Variants in MIR2052HG observed in about 807,000 individuals in gnomAD.
MIR2052HG encodes the protein MIR2052 host gene.
At chr8:74,649,530 CAT>C (rs199851979) in intron 2 of MIR2052HG, among the ~76,000 whole-genome samples, 5 of 151,516 alleles carry the variant, frequency 3.3e-5, no homozygotes, top group East Asian at 1.9e-4. Flanking sequence ...TATATACCTA[CAT>C]ATATATATAT....
intron 1 of MIR2052HG, chr8:74,604,235 T>C (rs879065967): frequency 1.6e-5 from 14 of 887,478 alleles, no homozygotes; most frequent in South Asian, 5.2e-5. Flanking sequence ...TCAATCACAC[T>C]GGTTTCCATG....
chr8:74,716,893 T>A (rs960110136), intron 4 of MIR2052HG, among the ~76,000 whole-genome samples: 11 of 152,304 alleles, frequency 7.2e-5, no homozygotes, highest in Middle Eastern at 3.4e-3. Context: ...ACTGCTTTTT[T>A]TATATATATA....
At chr8:74,756,783 T>C (rs1032995178) in intron 5 of MIR2052HG, 2 of 152,162 alleles carry the variant, frequency 1.3e-5, no homozygotes, top group African/African-American at 4.8e-5. Context: ...GTTTGTAAGA[T>C]GTGAAAGAAA....
intron 1 of MIR2052HG, chr8:74,603,855 C>G: frequency 1.1e-6 from 1 of 912,652 alleles, no homozygotes; most frequent in South Asian, 1.3e-5. Context: ...CCATCTAGAC[C>G]TGAGCCCCTG....
At chr8:74,684,145 A>G (rs1809154991) in intron 2 of MIR2052HG, among the ~76,000 whole-genome samples, 1 of 152,110 alleles carries the variant, frequency 6.6e-6, no homozygotes, top group African/African-American at 2.4e-5. Context: ...CCATGAATAC[A>G]TTAGTTAAGC....
chr8:74,756,315 C>T (rs753470096), intron 5 of MIR2052HG, among the ~76,000 whole-genome samples: 1 of 152,192 alleles, frequency 6.6e-6, no homozygotes, highest in Non-Finnish European at 1.5e-5. Context: ...GTTAGTCTTT[C>T]AAGGTGACTG....
At chr8:74,627,518 T>C (rs1294838058) in intron 2 of MIR2052HG, among the ~76,000 whole-genome samples, 1 of 152,228 alleles carries the variant, frequency 6.6e-6, no homozygotes, top group Non-Finnish European at 1.5e-5. Context: ...AGGCAACACT[T>C]TCCTATTTTT....
intron 2 of MIR2052HG, among the ~76,000 whole-genome samples, chr8:74,619,275 A>C (rs115573160): frequency 0.08 from 12,123 of 152,226 alleles, 790 homozygotes; most frequent in African/African-American, 0.18. Flanking sequence ...AAAATTCTAA[A>C]ATTTGTATGG....
At chr8:74,711,685 C>T (rs770147430) in intron 4 of MIR2052HG, among the ~76,000 whole-genome samples, 21 of 152,192 alleles carry the variant, frequency 1.4e-4, no homozygotes, top group Non-Finnish European at 2.6e-4. Flanking sequence ...TTATTCCAAA[C>T]CATGTTAATT....
intron 1 of MIR2052HG, among the ~76,000 whole-genome samples, chr8:74,609,319 A>G (rs1438646805): frequency 6.6e-6 from 1 of 151,996 alleles, no homozygotes. Context: ...TTTTTTACAC[A>G]GGAAACTTTA....
At chr8:74,603,518 G>C in intron 1 of MIR2052HG, 1 of 1,547,778 alleles carries the variant, frequency 6.5e-7, no homozygotes, top group Non-Finnish European at 8.9e-7. Context: ...GTAAGTTCAT[G>C]AGAAGTAGTC....
intron 4 of MIR2052HG, among the ~76,000 whole-genome samples, chr8:74,745,508 C>T (rs1156681944): frequency 6.6e-6 from 1 of 152,014 alleles, no homozygotes; most frequent in African/African-American, 2.4e-5. Context: ...TCGATAGTAG[C>T]AGAATCTCCA....
At chr8:74,616,361 CA>C (rs1392663469) in intron 2 of MIR2052HG, among the ~76,000 whole-genome samples, 2 of 148,944 alleles carry the variant, frequency 1.3e-5, no homozygotes, top group African/African-American at 4.9e-5. Context: ...CTCTGATGTC[CA>C]GTGATGATGA....
intron 2 of MIR2052HG, chr8:74,633,179 C>G (rs1045676081): frequency 1.3e-5 from 2 of 152,244 alleles, no homozygotes; most frequent in Non-Finnish European, 2.9e-5. Flanking sequence ...GCCACCACCC[C>G]TGGCTAATGG....
At chr8:74,644,261 G>T (rs1236330343) in intron 2 of MIR2052HG, among the ~76,000 whole-genome samples, 1 of 152,134 alleles carries the variant, frequency 6.6e-6, no homozygotes, top group Non-Finnish European at 1.5e-5. Flanking sequence ...ACGCGACAGT[G>T]GTCCTGTAAG....
At chr8:74,740,323 G>A (rs1313032897) in intron 4 of MIR2052HG, among the ~76,000 whole-genome samples, 5 of 152,100 alleles carry the variant, frequency 3.3e-5, no homozygotes, top group African/African-American at 7.2e-5. Context: ...AATTAGCCAG[G>A]TGTGGTGGCA....
At chr8:74,705,730 TA>T (rs1809403649) in intron 4 of MIR2052HG, 1 of 170,208 alleles carries the variant, frequency 5.9e-6, no homozygotes, top group South Asian at 2.0e-4. Flanking sequence ...AGTTCAAAGT[TA>T]CCAGCTATCA....
At chr8:74,711,986 G>A (rs958022656) in intron 4 of MIR2052HG, among the ~76,000 whole-genome samples, 5 of 152,068 alleles carry the variant, frequency 3.3e-5, no homozygotes, top group African/African-American at 4.8e-5. Flanking sequence ...ATGCCTCACC[G>A]TTTGCCATAT....
intron 2 of MIR2052HG, among the ~76,000 whole-genome samples, chr8:74,679,515 T>C (rs1809095486): frequency 7.3e-6 from 1 of 136,456 alleles, no homozygotes; most frequent in African/African-American, 2.8e-5. Flanking sequence ...GCATTTGGCT[T>C]GTTTACTATT....
Sources: allele counts gnomAD v4.1 joint callset (sites outside exome capture counted in the v4.1 genomes callset), GRCh38; gene constraint gnomAD v4.1.1; transcripts MANE v1.5; gene names NCBI Gene and HGNC (gene_info 2026-07-23, HGNC 2026-07-21).